Variants in ASPRV1 observed in about 807,000 individuals in gnomAD.
ASPRV1 encodes retroviral-like aspartic protease 1.
ASPRV1 carries 7 observed loss-of-function variants against 11.0 expected under a neutral mutation model. That is an observed-to-expected ratio of 0.64 (90% confidence interval 0.36 to 1.20). The LOEUF (loss-of-function observed/expected upper bound fraction) is 1.20, where lower values mean the gene tolerates loss of function less well. Ranked by LOEUF, ASPRV1 falls within the 50% of genes most tolerant of loss-of-function variation. The probability of loss-of-function intolerance (pLI) is 0.02; values close to 1 mark genes in which losing one functional copy is unlikely to be tolerated. For synonymous variants in ASPRV1, 136 were observed against 138.4 expected (o/e 0.98, Z 0.12); for missense variants, 299 against 320.0 (o/e 0.93, Z 0.50).
chr2:70,045,089 G>A, the ASPRV1 span, among the ~76,000 whole-genome samples: 1 of 152,258 alleles, frequency 6.6e-6, no homozygotes, highest in South Asian at 2.1e-4. Flanking sequence ...TCTATAAACA[G>A]AATGTTCTGG....
At chr2:69,997,417 CCCA>C in the ASPRV1 span, among the ~76,000 whole-genome samples, 1 of 152,306 alleles carries the variant, frequency 6.6e-6, no homozygotes, top group South Asian at 2.1e-4. Flanking sequence ...GTGCCCTGCC[CCCA>C]CCACTTCTCT....
At chr2:70,069,579 G>A in the ASPRV1 span, among the ~76,000 whole-genome samples, 3 of 152,190 alleles carry the variant, frequency 2.0e-5, no homozygotes, top group African/African-American at 4.8e-5. Context: ...CAATAACTGA[G>A]ATACCAGGGA....
the ASPRV1 span, among the ~76,000 whole-genome samples, chr2:70,062,438 G>C: frequency 9.2e-5 from 14 of 152,180 alleles, no homozygotes; most frequent in Non-Finnish European, 1.5e-4. Flanking sequence ...GTTGATACCA[G>C]GAAATCTGCA....
At chr2:70,014,872 A>G in the ASPRV1 span, among the ~76,000 whole-genome samples, 3 of 152,080 alleles carry the variant, frequency 2.0e-5, no homozygotes, top group Admixed American at 2.0e-4. Context: ...AACATTTGCA[A>G]ATCTTATATC....
At chr2:69,950,672 G>A in the ASPRV1 span, among the ~76,000 whole-genome samples, 2 of 151,766 alleles carry the variant, frequency 1.3e-5, no homozygotes, top group South Asian at 2.1e-4. Flanking sequence ...TGAAAACCTC[G>A]CCTCTACTAA....
chr2:70,086,552 G>C, the ASPRV1 span: 1 of 152,224 alleles, frequency 6.6e-6, no homozygotes, highest in Non-Finnish European at 1.5e-5. Context: ...CTGCGCCCAT[G>C]GGCCCGAAAA....
the ASPRV1 span, among the ~76,000 whole-genome samples, chr2:70,072,448 C>CGCAGT: frequency 4.0e-5 from 6 of 150,788 alleles, no homozygotes; most frequent in Admixed American, 1.3e-4. Context: ...GGTGGCTGGG[C>CGCAGT]GCAGTGGCTC....
At chr2:70,005,554 G>GA in the ASPRV1 span, among the ~76,000 whole-genome samples, 8 of 152,042 alleles carry the variant, frequency 5.3e-5, no homozygotes, top group Non-Finnish European at 8.8e-5. Flanking sequence ...CTTCTTGTCA[G>GA]CTTATTTTTT....
At chr2:69,994,440 C>G in the ASPRV1 span, among the ~76,000 whole-genome samples, 27 of 152,342 alleles carry the variant, frequency 1.8e-4, no homozygotes, top group Non-Finnish European at 3.1e-4. Flanking sequence ...TGGGAAAGAG[C>G]AGAGCCCCTC....
chr2:69,951,864 G>A, the ASPRV1 span, among the ~76,000 whole-genome samples: 73 of 151,902 alleles, frequency 4.8e-4, no homozygotes, highest in Non-Finnish European at 8.8e-4. Flanking sequence ...TTCATAAATT[G>A]ATTTTTAGAA....
chr2:69,990,230 T>C, the ASPRV1 span, among the ~76,000 whole-genome samples: 1,053 of 152,234 alleles, frequency 6.9e-3, 12 homozygotes, highest in African/African-American at 0.024. Flanking sequence ...ATTGTCCAGG[T>C]TGGAGTACAA....
the ASPRV1 span, chr2:70,077,160 C>G: frequency 6.6e-6 from 1 of 152,296 alleles, no homozygotes; most frequent in East Asian, 1.9e-4. Context: ...ACATAAAGTT[C>G]TTAGCACAGT....
the ASPRV1 span, among the ~76,000 whole-genome samples, chr2:69,997,383 C>T: frequency 6.6e-6 from 1 of 152,094 alleles, no homozygotes; most frequent in South Asian, 2.1e-4. Context: ...CACCAGGAGC[C>T]CAGAAGGAAT....
At chr2:70,065,819 C>CAAAAAAAAAAAAAAA in the ASPRV1 span, among the ~76,000 whole-genome samples, 134 of 67,362 alleles carry the variant, frequency 2.0e-3, no homozygotes, top group Middle Eastern at 0.014. Context: ...GCTTTTGACT[C>CAAAAAAAAAAAAAAA]AAAAAAAAAA....
At chr2:70,048,053 G>A in the ASPRV1 span, among the ~76,000 whole-genome samples, 1 of 143,850 alleles carries the variant, frequency 7.0e-6, no homozygotes, top group African/African-American at 2.6e-5. Context: ...AGGTTGCAGT[G>A]AGCCGAGATC....
At chr2:70,041,736 A>G in the ASPRV1 span, among the ~76,000 whole-genome samples, 12 of 152,200 alleles carry the variant, frequency 7.9e-5, no homozygotes, top group African/African-American at 2.7e-4. Context: ...AGAGCCTCAG[A>G]GAAGCCCTCC....
At chr2:70,062,056 G>A in the ASPRV1 span, among the ~76,000 whole-genome samples, 923 of 152,036 alleles carry the variant, frequency 6.1e-3, 8 homozygotes, top group African/African-American at 0.021. Context: ...GGGAGGCTGA[G>A]GTGGGTGGAT....
chr2:69,937,527 TG>T, the ASPRV1 span: 1 of 848,414 alleles, frequency 1.2e-6, no homozygotes, highest in African/African-American at 1.7e-5. Flanking sequence ...AGTCGAACAG[TG>T]TGACCTCCAG....
chr2:69,938,291 G>A, the ASPRV1 span: 10 of 1,613,274 alleles, frequency 6.2e-6, no homozygotes, highest in Admixed American at 6.7e-5. Context: ...CTAAGAGAGT[G>A]GGCACTGCGG....
Sources: gnomAD v4.1 joint callset for allele counts (sites outside exome capture counted in the v4.1 genomes callset) on GRCh38, gnomAD v4.1.1 for gene constraint, MANE v1.5 for transcripts, NCBI Gene and HGNC (gene_info 2026-07-23, HGNC 2026-07-21) for gene names.